The following CDK8 variants were observed in gnomAD, a reference collection of about 807,000 sequenced individuals.
CDK8 encodes cyclin-dependent kinase 8.
CDK8 carries 29 observed loss-of-function variants against 71.5 expected under a neutral mutation model. The observed-to-expected ratio is 0.41, with a 90% CI of 0.30 to 0.55. The LOEUF (loss-of-function observed/expected upper bound fraction) is 0.55, where lower values mean the gene tolerates loss of function less well. Among genes scored for constraint, CDK8 ranks in the 20% least tolerant of loss-of-function variants. The probability of loss-of-function intolerance (pLI) is 0.37; values close to 1 mark genes in which losing one functional copy is unlikely to be tolerated. For synonymous variants in CDK8, 161 were observed against 192.1 expected (o/e 0.84, Z 1.34); for missense variants, 288 against 572.6 (o/e 0.50, Z 5.07).
chr13:26,332,882 C>G (rs1215728635), intron 1 of CDK8, among the ~76,000 whole-genome samples: 1 of 152,196 alleles, frequency 6.6e-6, no homozygotes, highest in Admixed American at 6.5e-5. Context: ...TCCTCTTTCT[C>G]TAGTGCTTAG....
At chr13:26,264,927 A>C (rs1593225259) in intron 1 of CDK8, among the ~76,000 whole-genome samples, 1 of 152,286 alleles carries the variant, frequency 6.6e-6, no homozygotes, top group East Asian at 1.9e-4. Flanking sequence ...TTTGTGGCTG[A>C]ATAGTATTCC....
At chr13:26,274,978 T>C (rs1285892325) in intron 1 of CDK8, among the ~76,000 whole-genome samples, 3 of 152,236 alleles carry the variant, frequency 2.0e-5, no homozygotes, top group Admixed American at 2.0e-4. Context: ...TTAAAATGAT[T>C]TGTTAAAACT....
At chr13:26,318,298 G>A (rs866317410) in intron 1 of CDK8, among the ~76,000 whole-genome samples, 5 of 151,624 alleles carry the variant, frequency 3.3e-5, no homozygotes, top group Non-Finnish European at 5.9e-5. Context: ...TAATCAAAAA[G>A]CTCTTGATTT....
In CDK8 at chr13:26,401,633, A is replaced by G; in HGVS notation, c.1269+9A>G. Reference sequence around the variant, plus strand: ...TGACCTCAGACTATCAGGTATTCCAAGTTTATTTTGTATTGACTGCATGTC... The same window carrying G: ...TGACCTCAGACTATCAGGTATTCCAGGTTTATTTTGTATTGACTGCATGTC... On this transcript the variant is annotated intron_variant, in intron 12 of 12. Coordinates refer to ENST00000381527, the MANE Select transcript of CDK8 (RefSeq NM_001260.3). The surrounding 1 kb of genome is among the most constrained non-coding windows in gnomAD (Gnocchi z 4.5). 1.9e-6 allele frequency: 3 copies of G among 1,613,818 alleles called. No homozygotes were observed. Among genetic ancestry groups the G allele is most frequent in the Non-Finnish European group, 2.5e-6 (3 of 1,179,760 alleles).
At chr13:26,377,741 CTT>C (rs1875023922) in intron 4 of CDK8, among the ~76,000 whole-genome samples, 1 of 152,006 alleles carries the variant, frequency 6.6e-6, no homozygotes, top group Non-Finnish European at 1.5e-5. Flanking sequence ...TCACTTAACT[CTT>C]TAGAAGATTA....
At chr13:26,356,296 G>T (rs1873894425) in intron 4 of CDK8, among the ~76,000 whole-genome samples, 1 of 152,082 alleles carries the variant, frequency 6.6e-6, no homozygotes, top group South Asian at 2.1e-4. Flanking sequence ...TTTCTCTACG[G>T]TGAGGCAAAT....
chr13:26,354,370 C>T (rs1230074296), intron 4 of CDK8, among the ~76,000 whole-genome samples: 1 of 152,136 alleles, frequency 6.6e-6, no homozygotes, highest in African/African-American at 2.4e-5. Flanking sequence ...TATTAGAAGC[C>T]TTGCTGTGTT....
chr13:26,372,024 G>GAT (rs905781951), intron 4 of CDK8, among the ~76,000 whole-genome samples: 33 of 152,074 alleles, frequency 2.2e-4, no homozygotes, highest in Non-Finnish European at 4.6e-4. Flanking sequence ...GGCATTTAGG[G>GAT]ATATATAAGA....
chr13:26,352,103 CAG>C (rs962639643), intron 3 of CDK8, among the ~76,000 whole-genome samples: 3 of 151,750 alleles, frequency 2.0e-5, no homozygotes, highest in African/African-American at 7.2e-5. Flanking sequence ...CTTACTGCGG[CAG>C]AGTTTTAATT....
At chr13:26,292,224 G>A (rs986161390) in intron 1 of CDK8, among the ~76,000 whole-genome samples, 23 of 152,218 alleles carry the variant, frequency 1.5e-4, no homozygotes, top group African/African-American at 5.5e-4. Context: ...TCATCCAGGG[G>A]TGCAGGTGCC....
At chr13:26,276,969 G>A (rs1872582719) in intron 1 of CDK8, among the ~76,000 whole-genome samples, 1 of 152,150 alleles carries the variant, frequency 6.6e-6, no homozygotes, top group African/African-American at 2.4e-5. Context: ...TATCACATTT[G>A]TCCTTGACCA....
At chr13:26,342,155 C>T (rs982679490) in intron 2 of CDK8, among the ~76,000 whole-genome samples, 5 of 152,224 alleles carry the variant, frequency 3.3e-5, no homozygotes, top group East Asian at 3.9e-4. Context: ...CCTCGTGATC[C>T]GCCCACCTCA....
At chr13:26,380,588 A>G (rs1875173357) in intron 4 of CDK8, among the ~76,000 whole-genome samples, 1 of 151,846 alleles carries the variant, frequency 6.6e-6, no homozygotes, top group Non-Finnish European at 1.5e-5. Flanking sequence ...GGCTCAAGCA[A>G]TCCTCTCACC....
chr13:26,366,481 TAA>T (rs1424605277), intron 4 of CDK8, among the ~76,000 whole-genome samples: 1 of 152,188 alleles, frequency 6.6e-6, no homozygotes. Context: ...GTTCGTTTAT[TAA>T]AGTCTCCTAC....
chr13:26,382,325 A>G (rs1181993582), intron 4 of CDK8, among the ~76,000 whole-genome samples: 4 of 152,254 alleles, frequency 2.6e-5, no homozygotes, highest in Non-Finnish European at 5.9e-5. Context: ...ACTTGTTTCT[A>G]AAGTACTTTA....
At chr13:26,345,123 T>C (rs1287853322) in intron 2 of CDK8, among the ~76,000 whole-genome samples, 1 of 152,172 alleles carries the variant, frequency 6.6e-6, no homozygotes. Flanking sequence ...TTCAACTCCA[T>C]TATAATCTTA....
intron 1 of CDK8, among the ~76,000 whole-genome samples, chr13:26,334,843 A>G (rs969456000): frequency 6.6e-6 from 1 of 152,132 alleles, no homozygotes; most frequent in African/African-American, 2.4e-5. Flanking sequence ...CCTCATTGCC[A>G]CTTTCAGAAA....
chr13:26,255,582 CTT>C (rs1394552390), intron 1 of CDK8, among the ~76,000 whole-genome samples: 4 of 152,118 alleles, frequency 2.6e-5, no homozygotes, highest in Admixed American at 6.5e-5. Context: ...CATTTTTTCT[CTT>C]TGTCAGTAGA....
intron 1 of CDK8, among the ~76,000 whole-genome samples, chr13:26,285,724 A>C (rs993699126): frequency 1.3e-5 from 2 of 152,192 alleles, no homozygotes; most frequent in African/African-American, 4.8e-5. Flanking sequence ...CAATGATATG[A>C]TCATATACCT....
Sources: gnomAD v4.1 joint callset for allele counts (sites outside exome capture counted in the v4.1 genomes callset) on GRCh38, gnomAD v4.1.1 for gene constraint, Gnocchi (gnomAD v3.1) non-coding constraint, MANE v1.5 for transcripts, NCBI Gene and HGNC (gene_info 2026-07-23, HGNC 2026-07-21) for gene names.